The following CSMD1 variants were observed in gnomAD, a reference collection of about 807,000 sequenced individuals.
CSMD1 encodes CUB and sushi domain-containing protein 1.
Under a neutral mutation model 417.5 loss-of-function variants are expected in CSMD1, and 213 were observed. The observed-to-expected ratio is 0.51, with a 90% CI of 0.46 to 0.57. CSMD1 has a LOEUF of 0.57. CSMD1 is among the 20% of genes least tolerant of loss of function. CSMD1 has a pLI of 0.00. For missense variants in CSMD1, 6,923 were observed against 4,529.7 expected (o/e 1.53, Z -15.17); for synonymous variants, 2,862 against 1,736.8 (o/e 1.65, Z -16.11).
intron 10 of CSMD1, among the ~76,000 whole-genome samples, chr8:3,574,420 T>A (rs1800062749): frequency 6.6e-6 from 1 of 152,072 alleles, no homozygotes; most frequent in Non-Finnish European, 1.5e-5. Flanking sequence ...TTTGTTCGTA[T>A]TTTTTAGTAG....
At chr8:3,942,058 G>A (rs1810918792) in intron 5 of CSMD1, among the ~76,000 whole-genome samples, 1 of 151,862 alleles carries the variant, frequency 6.6e-6, no homozygotes, top group Non-Finnish European at 1.5e-5. Context: ...TTGTGAATTG[G>A]GCATGCAAGG....
At chr8:3,507,080 T>G (rs1411286802) in intron 10 of CSMD1, among the ~76,000 whole-genome samples, 4 of 152,150 alleles carry the variant, frequency 2.6e-5, no homozygotes, top group Non-Finnish European at 4.4e-5. Flanking sequence ...TGGTTACAGT[T>G]TTACAAATGA....
At chr8:3,767,890 A>G (rs374236187) in intron 5 of CSMD1, among the ~76,000 whole-genome samples, 39 of 152,290 alleles carry the variant, frequency 2.6e-4, no homozygotes, top group African/African-American at 9.4e-4. Context: ...ATCATGGTAA[A>G]AAGTTAAAAA....
chr8:3,212,157 C>T (rs1021595031), intron 30 of CSMD1, among the ~76,000 whole-genome samples: 24 of 152,182 alleles, frequency 1.6e-4, no homozygotes, highest in African/African-American at 4.8e-4. Context: ...CCCATGAGCA[C>T]GCTGAGTTCT....
At chr8:3,349,533 C>T (rs1169919883) in intron 21 of CSMD1, among the ~76,000 whole-genome samples, 1 of 151,802 alleles carries the variant, frequency 6.6e-6, no homozygotes, top group East Asian at 1.9e-4. Flanking sequence ...TTGGATGTGG[C>T]TCTCGGGGTG....
intron 49 of CSMD1, among the ~76,000 whole-genome samples, chr8:3,055,727 T>C (rs568606496): frequency 6.6e-6 from 1 of 152,338 alleles, no homozygotes; most frequent in South Asian, 2.1e-4. Flanking sequence ...AAGGTATTAT[T>C]ATATGTCCCA....
chr8:3,166,188 T>A (rs1206620872), intron 37 of CSMD1, among the ~76,000 whole-genome samples: 6 of 151,174 alleles, frequency 4.0e-5, no homozygotes, highest in African/African-American at 7.3e-5. Flanking sequence ...TCATGTACTT[T>A]AAAAAAAAAG....
chr8:3,414,369 C>T (rs943609467), intron 12 of CSMD1, among the ~76,000 whole-genome samples: 3 of 151,992 alleles, frequency 2.0e-5, no homozygotes, highest in Admixed American at 6.5e-5. Flanking sequence ...TACTGTCACA[C>T]CTCCCTCTCT....
At chr8:3,778,222 T>A (rs988043135) in intron 5 of CSMD1, among the ~76,000 whole-genome samples, 1 of 151,648 alleles carries the variant, frequency 6.6e-6, no homozygotes, top group African/African-American at 2.4e-5. Flanking sequence ...TTTAGAGGTC[T>A]GTGGAACTGA....
chr8:4,762,688 A>G (rs1171237897), intron 1 of CSMD1, among the ~76,000 whole-genome samples: 3 of 152,090 alleles, frequency 2.0e-5, no homozygotes, highest in African/African-American at 7.2e-5. Context: ...TAAGGTCATT[A>G]TTCAGGCCCA....
intron 5 of CSMD1, among the ~76,000 whole-genome samples, chr8:3,886,932 G>A (rs1255663441): frequency 6.6e-6 from 1 of 152,126 alleles, no homozygotes; most frequent in African/African-American, 2.4e-5. Flanking sequence ...AGGGGACTCA[G>A]GTCATTTTTC....
intron 5 of CSMD1, among the ~76,000 whole-genome samples, chr8:3,904,414 T>G (rs556647441): frequency 3.6e-4 from 55 of 152,270 alleles, no homozygotes; most frequent in African/African-American, 1.2e-3. Context: ...CCTATGTTAG[T>G]GCTTCTCAAA....
At chr8:3,517,232 C>G (rs948309536) in intron 10 of CSMD1, among the ~76,000 whole-genome samples, 2 of 152,148 alleles carry the variant, frequency 1.3e-5, no homozygotes, top group Non-Finnish European at 2.9e-5. Flanking sequence ...TTAATAAAAT[C>G]TGTGATTAGA....
chr8:4,072,015 T>G (rs555748462), intron 3 of CSMD1, among the ~76,000 whole-genome samples: 6 of 152,296 alleles, frequency 3.9e-5, no homozygotes, highest in African/African-American at 1.4e-4. Context: ...GGATGTGGTT[T>G]TGCTGGTTCA....
At chr8:4,631,156 T>C (rs1480222239) in intron 2 of CSMD1, among the ~76,000 whole-genome samples, 3 of 151,704 alleles carry the variant, frequency 2.0e-5, no homozygotes, top group Admixed American at 2.0e-4. Flanking sequence ...AGGTCAGGAG[T>C]TCTAGACCAG....
At chr8:4,907,496 C>T (rs974100319) in intron 1 of CSMD1, among the ~76,000 whole-genome samples, 10 of 151,082 alleles carry the variant, frequency 6.6e-5, no homozygotes, top group African/African-American at 2.4e-4. Context: ...AAACTCATAA[C>T]ATCTTACTAG....
intron 57 of CSMD1, among the ~76,000 whole-genome samples, chr8:2,968,028 C>T (rs1804123835): frequency 6.6e-6 from 1 of 152,210 alleles, no homozygotes. Flanking sequence ...CCTTCTAACA[C>T]AGACCTATTA....
chr8:4,542,410 A>T (rs571208980), intron 2 of CSMD1, among the ~76,000 whole-genome samples: 14 of 152,352 alleles, frequency 9.2e-5, no homozygotes, highest in African/African-American at 3.1e-4. Flanking sequence ...ACCATTAAAA[A>T]TCTCACTAGA....
At chr8:3,258,404 C>T (rs557384321) in intron 26 of CSMD1, among the ~76,000 whole-genome samples, 1 of 152,254 alleles carries the variant, frequency 6.6e-6, no homozygotes, top group South Asian at 2.1e-4. Flanking sequence ...TACCATCTCA[C>T]ACCAGTTACA....
Sources: allele counts gnomAD v4.1 joint callset (sites outside exome capture counted in the v4.1 genomes callset), GRCh38; gene constraint gnomAD v4.1.1; transcripts MANE v1.5; gene names NCBI Gene and HGNC (gene_info 2026-07-23, HGNC 2026-07-21).